Variants in PRDM16 observed in about 807,000 individuals in gnomAD.
The protein encoded by PRDM16 is histone-lysine N-methyltransferase PRDM16.
Under a neutral mutation model 110.6 loss-of-function variants are expected in PRDM16, and 23 were observed. The observed-to-expected ratio is 0.21, with a 90% CI of 0.15 to 0.29. The LOEUF (loss-of-function observed/expected upper bound fraction) is 0.29. Ranked by LOEUF, PRDM16 falls within the 10% of genes least tolerant of loss-of-function variation. PRDM16 has a pLI of 1.00. For missense variants in PRDM16, 1,615 were observed against 1,794.3 expected (o/e 0.90, Z 1.81); for synonymous variants, 799 against 781.8 (o/e 1.02, Z -0.37).
At chr1:3,114,200 C>A (rs1430741207) in intron 1 of PRDM16, among the ~76,000 whole-genome samples, 5 of 127,250 alleles carry the variant, frequency 3.9e-5, no homozygotes, top group Non-Finnish European at 7.9e-5. Context: ...CACGCACACG[C>A]ACGCACACAC....
chr1:3,152,937 C>T (rs568445686), intron 1 of PRDM16, among the ~76,000 whole-genome samples: 47 of 152,314 alleles, frequency 3.1e-4, no homozygotes, highest in Admixed American at 1.6e-3. Flanking sequence ...GCTCTGAGGA[C>T]GGCTCCCAGG....
chr1:3,151,703 C>T (rs1053810880), intron 1 of PRDM16, among the ~76,000 whole-genome samples: 1 of 152,174 alleles, frequency 6.6e-6, no homozygotes, highest in African/African-American at 2.4e-5. Context: ...TCTGAGTGGC[C>T]GGGCGTGCAT....
At position 3,411,487 on chromosome 1, in the gene PRDM16, G is replaced by A; in HGVS notation, c.1290G>A (p.Gln430=). ...AGATCAAGTGCAAGGACTGTGGCCA[G>A]ATGTTCAGCACTACCTCCTCCCTCA... is the stretch of plus-strand genomic sequence containing the variant. ...RTQIKCKDCG[Q]MFSTTSSLNK... is the part of the protein sequence containing the mutation. Residue 430 remains glutamine, a synonymous_variant, in exon 9 of 17, where the codon CAG becomes CAA. Transcript: ENST00000270722. 1 of 1,614,218 alleles carries A rather than the reference G, an allele frequency of 6.2e-7. No individual in the cohort carries two copies. The highest frequency in any genetic ancestry group is 8.5e-7 in the Non-Finnish European group (1 of 1,180,040).
chr1:3,425,975 C>A lies in PRDM16; in HGVS notation c.3110-76C>A. On this transcript the variant is annotated intron_variant, in intron 13 of 16. Coordinates refer to ENST00000270722, the MANE Select transcript of PRDM16 (RefSeq NM_022114.4). The surrounding 1 kb of genome is among the most constrained non-coding windows in gnomAD (Gnocchi z 6.9). Reference sequence around the variant, plus strand: ...CCCTAACAGCACCCCAGGTGTACCCCGTTCGCGGTTGGTTTGCCCCACGGA... The same window carrying A: ...CCCTAACAGCACCCCAGGTGTACCCAGTTCGCGGTTGGTTTGCCCCACGGA... 6.7e-7 allele frequency: 1 copy of A among 1,492,326 alleles called. No homozygotes were observed. The highest frequency in any genetic ancestry group is 9.0e-7 in the Non-Finnish European group (1 of 1,105,300). The allele number at this position is 1,492,326 out of a possible 1,614,324, so 92.4% of individuals were successfully genotyped here. A position where few individuals can be genotyped will look rare whatever the true frequency, so the allele number is the denominator to read the frequency against.
At chr1:3,341,752 C>T (rs2100514773) in intron 3 of PRDM16, among the ~76,000 whole-genome samples, 1 of 152,374 alleles carries the variant, frequency 6.6e-6, no homozygotes, top group Admixed American at 6.5e-5. Flanking sequence ...GCAACAGCAG[C>T]AGCTGCCGCT....
At chr1:3,321,325 C>CGT (rs141202020) in intron 3 of PRDM16, among the ~76,000 whole-genome samples, 135 of 150,664 alleles carry the variant, frequency 9.0e-4, no homozygotes, top group African/African-American at 3.2e-3. Context: ...TGTGTGGGTC[C>CGT]GTGTGTGTGT....
intron 14 of PRDM16, among the ~76,000 whole-genome samples, chr1:3,430,632 GC>G (rs1638738321): frequency 6.6e-6 from 1 of 152,180 alleles, no homozygotes; most frequent in East Asian, 1.9e-4. Flanking sequence ...GCTGGGCCTT[GC>G]CCTGCCCCCA....
chr1:3,389,215 A>C (rs147345513), intron 4 of PRDM16, among the ~76,000 whole-genome samples: 326 of 152,308 alleles, frequency 2.1e-3, no homozygotes, highest in African/African-American at 7.1e-3. Context: ...AAGGCTCAGC[A>C]ACCAGCCAGC....
chr1:3,323,992 G>C (rs1253013332), intron 3 of PRDM16, among the ~76,000 whole-genome samples: 1 of 152,188 alleles, frequency 6.6e-6, no homozygotes, highest in Non-Finnish European at 1.5e-5. Flanking sequence ...TTTGGGAAAA[G>C]GAAAGAAAGA....
At chr1:3,295,461 C>A (rs1451722737) in intron 3 of PRDM16, among the ~76,000 whole-genome samples, 2 of 152,180 alleles carry the variant, frequency 1.3e-5, no homozygotes, top group Non-Finnish European at 2.9e-5. Context: ...CCCCTACAGC[C>A]CAAACCTCCA....
chr1:3,150,730 A>G (rs1242240259), intron 1 of PRDM16, among the ~76,000 whole-genome samples: 2 of 151,830 alleles, frequency 1.3e-5, no homozygotes, highest in African/African-American at 4.8e-5. Context: ...CTTCAAACAC[A>G]CAGGGGAACT....
At chr1:3,216,900 C>G (rs1021804728) in intron 2 of PRDM16, among the ~76,000 whole-genome samples, 1 of 152,258 alleles carries the variant, frequency 6.6e-6, no homozygotes, top group Non-Finnish European at 1.5e-5. Flanking sequence ...CTCAGCCTCC[C>G]AGGCTCCTGG....
At chr1:3,146,473 CAT>C (rs1208071806) in intron 1 of PRDM16, among the ~76,000 whole-genome samples, 4 of 150,204 alleles carry the variant, frequency 2.7e-5, no homozygotes, top group African/African-American at 7.4e-5. Context: ...GGTGTGCGCA[CAT>C]GTGTGCTTGG....
intron 3 of PRDM16, among the ~76,000 whole-genome samples, chr1:3,324,700 GA>G (rs1557609343): frequency 1.3e-5 from 2 of 151,822 alleles, no homozygotes; most frequent in South Asian, 4.2e-4. Flanking sequence ...ATGGGGTCAG[GA>G]TCTAAAGCAC....
At chr1:3,409,041 G>A (rs535709979) in intron 8 of PRDM16, among the ~76,000 whole-genome samples, 4 of 151,838 alleles carry the variant, frequency 2.6e-5, no homozygotes, top group Non-Finnish European at 4.4e-5. Flanking sequence ...GAGTGTGGGC[G>A]TGTGGGCCGG....
chr1:3,352,417 C>T (rs748453215), intron 3 of PRDM16, among the ~76,000 whole-genome samples: 2 of 152,224 alleles, frequency 1.3e-5, no homozygotes, highest in Non-Finnish European at 2.9e-5. Context: ...CCGAAGCCGG[C>T]GCCCCCCTTG....
At chr1:3,333,817 T>C (rs1642091188) in intron 3 of PRDM16, among the ~76,000 whole-genome samples, 1 of 152,076 alleles carries the variant, frequency 6.6e-6, no homozygotes, top group Non-Finnish European at 1.5e-5. Context: ...CGAGATCTGC[T>C]TTAAAAGAGT....
In PRDM16 at chr1:3,405,535, C is replaced by T; in HGVS notation, c.1073C>T (p.Ser358Leu). 5 of 1,604,156 alleles carry T rather than the reference C, an allele frequency of 3.1e-6. No homozygotes were observed. Among genetic ancestry groups the T allele is most frequent in the South Asian group, 1.1e-5 (1 of 89,952 alleles). The stretch of plus-strand genomic sequence containing the variant: ...AGCAACCTTCAGCGGCACATCCGCT[C>T]GCAGCACGTGGGCGCTCGGGCCCAC... ...DPSNLQRHIR[S>L]QHVGARAHAC... The change falls in exon 8 of 17, where the codon TCG (serine) becomes TTG (leucine). Residue 358 changes from serine to leucine, a missense_variant. This residue lies in a region of PRDM16 where 82 missense variants were observed against 144.4 expected (regional missense o/e 0.57). Transcript: ENST00000270722.
In PRDM16 at chr1:3,244,966, A is replaced by G. The variant is rs1470684597; in HGVS notation, c.438+829A>G. ...TTTTTGGGGGGGGGTTTCTAGTAAAATTAAAGTAACAGTCTCTCGCTTGGC... is the reference window on the plus strand; with the variant it reads ...TTTTTGGGGGGGGGTTTCTAGTAAAGTTAAAGTAACAGTCTCTCGCTTGGC... On this transcript the variant is annotated intron_variant, in intron 3 of 16. Coordinates refer to ENST00000270722, the MANE Select transcript of PRDM16 (RefSeq NM_022114.4). The surrounding 1 kb of genome is among the most constrained non-coding windows in gnomAD (Gnocchi z 4.1). Among the ~76,000 whole-genome samples, 2 of 152,166 alleles carry G rather than the reference A, an allele frequency of 1.3e-5. No individual in the cohort carries two copies. The highest frequency in any genetic ancestry group is 2.9e-5 in the Non-Finnish European group (2 of 68,044).
Sources: gnomAD v4.1 joint callset for allele counts (sites outside exome capture counted in the v4.1 genomes callset) on GRCh38, gnomAD v4.1.1 for gene constraint, gnomAD v4.1.1 regional missense constraint, Gnocchi (gnomAD v3.1) non-coding constraint, MANE v1.5 for transcripts, NCBI Gene and HGNC (gene_info 2026-07-23, HGNC 2026-07-21) for gene names.